Variants in DNAH2 observed in about 807,000 individuals in gnomAD.
DNAH2 encodes dynein axonemal heavy chain 2.
DNAH2 carries 323 observed loss-of-function variants against 523.5 expected under a neutral mutation model. The observed-to-expected ratio is 0.62, with a 90% CI of 0.56 to 0.68. The LOEUF (loss-of-function observed/expected upper bound fraction) is 0.68. DNAH2 is among the 30% of genes least tolerant of loss of function. The pLI, the probability that DNAH2 is intolerant of heterozygous loss-of-function variation, is 0.00. For synonymous variants in DNAH2, 2,093 were observed against 2,177.4 expected, an observed-to-expected ratio of 0.96 and a Z score of 1.08; for missense variants, 4,907 against 5,701.5, an observed-to-expected ratio of 0.86 and a Z score of 4.49.
chr17:7,768,261 G>A lies in DNAH2; in HGVS notation c.3935G>A (p.Arg1312Lys). ...LISDLRNPAL[R>K]ERHWDQVRDE... ...TCAGACCTGCGGAACCCTGCCCTTA[G>A]AGAGAGGTGAGGCTTCTCCTCTGCT... Residue 1312 changes from arginine to lysine, a missense_variant, in exon 24 of 86, where the codon AGA becomes AAA. By Grantham distance (26) the Arg-to-Lys change is conservative. Transcript: ENST00000572933. 7 of 1,614,198 alleles carry A rather than the reference G, an allele frequency of 4.3e-6. No homozygotes were observed. The highest frequency in any genetic ancestry group is 5.9e-6 in the Non-Finnish European group (7 of 1,180,038).
At chr17:7,725,441 T>TATATATATATATATATATATA (rs398119671) in intron 3 of DNAH2, among the ~76,000 whole-genome samples, 41 of 136,926 alleles carry the variant, frequency 3.0e-4, no homozygotes, top group South Asian at 4.7e-4. Context: ...TATATATATA[T>TATATATATATATATATATATA]TTTCTTTTTG....
rs769254099 is a variant in DNAH2, at chr17:7,734,173, C to A, written c.629-10C>A. 12 of 1,576,088 alleles carry A rather than the reference C, an allele frequency of 7.6e-6. No homozygotes were observed. Among genetic ancestry groups the A allele is most frequent in the Non-Finnish European group, 1.0e-5 (12 of 1,159,916 alleles). ...CCTCTGTCCACTTCCACAAACTTTC[C>A]TTTCCTTAGACACTCGGTACAAACT... is the stretch of plus-strand genomic sequence containing the variant. On this transcript the variant is annotated splice_polypyrimidine_tract_variant and intron_variant, in intron 5 of 85. Transcript: ENST00000572933.
In DNAH2 at chr17:7,831,303, C is replaced by G. The variant is rs764177337; in HGVS notation, c.12448C>G (p.Arg4150Gly). Residue 4150 changes from arginine (R) to glycine (G), a missense_variant, in exon 80 of 86, where the codon CGG becomes GGG. This residue lies in a region of DNAH2 where 1,851 missense variants were observed against 2,139.4 expected (regional missense o/e 0.87). Transcript: ENST00000572933. This position sits in a 1 kb window ranked among gnomAD's most constrained non-coding sequence, Gnocchi z 4.2. ...ITPTRAGGQT[R>G]EEKVLELAAD... is the part of the protein sequence containing the mutation. ...ACCCACCAGGGCTGGAGGCCAGACC[C>G]GGGAAGAGAAGGTAAAAAGAGCCGG... The G allele has an allele frequency of 2.5e-6, 4 of 1,613,950 alleles. No homozygotes were observed. The highest frequency in any genetic ancestry group is 3.4e-6 in the Non-Finnish European group (4 of 1,179,998).
Position 7,824,225 on chromosome 17 carries a change from C to T in DNAH2, c.11583C>T (p.Ala3861=), listed in dbSNP as rs779324356. The change falls in exon 76 of 86, where the codon GCC becomes GCT. Residue 3861 remains alanine, a synonymous_variant. Coordinates refer to ENST00000572933, the MANE Select transcript of DNAH2 (RefSeq NM_020877.5). ...AGCTGGCAGAGCACATGGGCATGGC[C>T]CAGCGCTTCCACGCCCTGTCCCTGG... ...LLQLAEHMGM[A]QRFHALSLGQ... is the part of the protein sequence containing the mutation. 3.1e-6 allele frequency: 5 copies of T among 1,606,304 alleles called. No homozygotes were observed. Among genetic ancestry groups the T allele is most frequent in the Non-Finnish European group, 4.2e-6 (5 of 1,177,532 alleles).
rs1038614572 is a variant in DNAH2 at position 7,795,427 on chromosome 17, C to T, written c.7675-1037C>T. On this transcript the variant is annotated intron_variant, in intron 49 of 85. Transcript: ENST00000572933. ...GTGGCTCCCAGCTGTAATCCCAGTA[C>T]CTTAGTAGGCTGAGGCAGGTGGATC... 5.3e-4 allele frequency among the ~76,000 whole-genome samples: 80 copies of T among 151,732 alleles called. 1 individual carries two copies. Among genetic ancestry groups the T allele is most frequent in the Non-Finnish European group, 1.3e-4 (9 of 67,978 alleles).
chr17:7,827,323 A>T (rs1287045698), intron 77 of DNAH2, among the ~76,000 whole-genome samples: 1 of 151,372 alleles, frequency 6.6e-6, no homozygotes, highest in African/African-American at 2.4e-5. Flanking sequence ...TAAAGATTGT[A>T]AAAGTACTCT....
In DNAH2 at chr17:7,823,474, A is replaced by C. The variant is rs760637893; in HGVS notation, c.11175A>C (p.Pro3725=). 4 of 1,613,948 alleles carry C rather than the reference A, an allele frequency of 2.5e-6. No homozygotes were observed. In the African/African-American group the frequency reaches 4.0e-5, roughly 16 times the overall value. Residue 3725 remains proline, a synonymous_variant, in exon 74 of 86, where the codon CCA becomes CCC. Coordinates refer to ENST00000572933, the MANE Select transcript of DNAH2 (RefSeq NM_020877.5). ...ATCGGGAGGGCCAAATGGACAATCC[A>C]TGTAGTAGCTGGCTTGCAGATGCCT... is the stretch of plus-strand genomic sequence containing the variant. ...VLDREGQMDN[P]CSSWLADAYW... is the part of the protein sequence containing the mutation.
In DNAH2 at chr17:7,743,116, G is replaced by A. The variant is rs376216275; in HGVS notation, c.1878G>A (p.Ala626=). The part of the protein sequence containing the change: ...TPLLRISQEK[A]GMLDVNFDKS... The stretch of plus-strand genomic sequence containing the variant: ...TGCTGCGAATCAGCCAGGAGAAGGC[G>A]GGCATGCTGGATGTCAACTTTGACA... Residue 626 remains alanine, a synonymous_variant, in exon 12 of 86, where the codon GCG becomes GCA. Coordinates refer to ENST00000572933, the MANE Select transcript of DNAH2 (RefSeq NM_020877.5). 22 of 1,579,142 alleles carry A rather than the reference G, an allele frequency of 1.4e-5. 1 individual carries two copies. Among genetic ancestry groups the A allele is most frequent in the African/African-American group, 1.4e-4 (10 of 73,124 alleles).
chr17:7,822,721 C>G (rs1169031547), intron 73 of DNAH2, among the ~76,000 whole-genome samples: 1 of 152,124 alleles, frequency 6.6e-6, no homozygotes, highest in Non-Finnish European at 1.5e-5. Flanking sequence ...CCATTTTGCT[C>G]AGTAATGCAT....
chr17:7,833,352 T>C (rs763398750), intron 85 of DNAH2, 27 bp from the exon 86 acceptor site: 15 of 1,611,990 alleles, frequency 9.3e-6, no homozygotes, highest in Non-Finnish European at 1.2e-5. Flanking sequence ...GCTCCAGGGG[T>C]CTGACTTCTC....
intron 28 of DNAH2, 56 bp from the exon 29 acceptor site, chr17:7,774,703 G>T: frequency 6.6e-7 from 1 of 1,517,848 alleles, no homozygotes; most frequent in Non-Finnish European, 9.0e-7. Flanking sequence ...GGGGCATCCA[G>T]ATCCGCCCAG....
chr17:7,789,714 C>G (rs2076843640), intron 44 of DNAH2, among the ~76,000 whole-genome samples: 1 of 151,868 alleles, frequency 6.6e-6, no homozygotes, highest in Non-Finnish European at 1.5e-5. Flanking sequence ...GTAGCTGGGA[C>G]TACAGGTGCC....
Position 7,759,122 on chromosome 17 carries a change from G to C in DNAH2, c.2446G>C (p.Glu816Gln). 1 of 1,613,922 alleles carries C rather than the reference G, an allele frequency of 6.2e-7. No homozygotes were observed. The highest frequency in any genetic ancestry group is 8.5e-7 in the Non-Finnish European group (1 of 1,179,948). The change falls in exon 15 of 86, where the codon GAG becomes CAG. Residue 816 changes from glutamate (E) to glutamine (Q), a missense_variant and splice_region_variant. Coordinates refer to ENST00000572933, the MANE Select transcript of DNAH2 (RefSeq NM_020877.5). ...SYEVFKNDGP[E>Q]IQQQWMLYMI... ...TGAGGTCTTCAAGAATGATGGTCCT[G>C]AGGTAGGGTTCCTGTGGCCAGGATG...
chr17:7,788,105 A>G lies in DNAH2; in HGVS notation c.6761A>G (p.Gln2254Arg). The part of the protein sequence containing the change: ...KRPKAEVEPL[Q>R]RMFEKLINKM... ...CTCCAGGCTGAGGTGGAGCCCCTTC[A>G]ACGCATGTTCGAAAAGCTCATCAAC... The change falls in exon 44 of 86, where the codon CAA becomes CGA. Residue 2254 changes from glutamine (Q) to arginine (R), a missense_variant. Gln to Arg is a conservative substitution (Grantham distance 43). Coordinates refer to ENST00000572933, the MANE Select transcript of DNAH2 (RefSeq NM_020877.5). The G allele has an allele frequency of 1.2e-6, 2 of 1,614,218 alleles. No homozygotes were observed. The highest frequency in any genetic ancestry group is 1.1e-5 in the South Asian group (1 of 91,086).
intron 28 of DNAH2, among the ~76,000 whole-genome samples, chr17:7,773,133 A>T (rs890265600): frequency 1.3e-5 from 2 of 152,178 alleles, no homozygotes; most frequent in African/African-American, 4.8e-5. Flanking sequence ...GTCAAAACTC[A>T]GTGAGGTGAA....
rs138954796 is a variant in DNAH2, at chr17:7,807,490, G to T, written c.9633G>T (p.Arg3211=). The change falls in exon 63 of 86, where the codon CGG becomes CGT. Residue 3211 remains arginine, a synonymous_variant. Coordinates refer to ENST00000572933, the MANE Select transcript of DNAH2 (RefSeq NM_020877.5). The surrounding 1 kb of genome is among the most constrained non-coding windows in gnomAD (Gnocchi z 5.6). ...CACAGCTGTATGGGCGGCTATATCG[G>T]GTGGTGGAGCCCAAGCGAATCCGAA... is the stretch of plus-strand genomic sequence containing the variant. ...RAMELYGRLY[R]VVEPKRIRMN... 1.2e-6 allele frequency: 2 copies of T among 1,613,490 alleles called. No individual in the cohort carries two copies. Among genetic ancestry groups the T allele is most frequent in the African/African-American group, 2.7e-5 (2 of 74,902 alleles).
chr17:7,772,845 G>T (rs559845116), intron 28 of DNAH2, among the ~76,000 whole-genome samples: 116 of 152,116 alleles, frequency 7.6e-4, no homozygotes, highest in Middle Eastern at 3.4e-3. Context: ...ATGATCTAAG[G>T]TCACCACAAC....
chr17:7,726,637 C>G (rs915796268), intron 3 of DNAH2, among the ~76,000 whole-genome samples: 3 of 152,056 alleles, frequency 2.0e-5, no homozygotes, highest in African/African-American at 7.2e-5. Flanking sequence ...TCCCTCCTCA[C>G]TTTTTCCTTA....
At chr17:7,777,907 C>A (rs2076499758) in intron 33 of DNAH2, among the ~76,000 whole-genome samples, 170 bp from the exon 34 acceptor site, 1 of 152,154 alleles carries the variant, frequency 6.6e-6, no homozygotes, top group South Asian at 2.1e-4. Context: ...AACATGAAAC[C>A]CATTTTCCAT....
Sources: allele counts gnomAD v4.1 joint callset (sites outside exome capture counted in the v4.1 genomes callset), GRCh38; gene constraint gnomAD v4.1.1; regional missense constraint gnomAD v4.1.1; non-coding constraint Gnocchi (gnomAD v3.1); transcripts MANE v1.5; gene names NCBI Gene and HGNC (gene_info 2026-07-23, HGNC 2026-07-21).